The following CPA6 variants were observed in gnomAD, a reference collection of about 807,000 sequenced individuals.
CPA6 encodes the protein carboxypeptidase A6.
A neutral mutation model predicts 63.3 loss-of-function variants in CPA6; 58 were observed. The observed-to-expected ratio is 0.92, with a 90% CI of 0.74 to 1.14. The LOEUF is 1.14. Among genes scored for constraint, CPA6 ranks in the 50% most tolerant of loss-of-function variants. The probability of loss-of-function intolerance (pLI) is 0.00; values close to 1 mark genes in which losing one functional copy is unlikely to be tolerated. For missense variants in CPA6, 565 were observed against 526.6 expected (o/e 1.07, Z -0.71); for synonymous variants, 185 against 179.0 (o/e 1.03, Z -0.27).
chr8:67,621,690 T>C (rs755039466), intron 2 of CPA6, among the ~76,000 whole-genome samples: 1 of 152,228 alleles, frequency 6.6e-6, no homozygotes, highest in African/African-American at 2.4e-5. Flanking sequence ...TGGATGTGAC[T>C]GTGTGGAGTG....
chr8:67,631,487 G>C (rs752390175), intron 1 of CPA6, among the ~76,000 whole-genome samples: 1 of 152,122 alleles, frequency 6.6e-6, no homozygotes, highest in Non-Finnish European at 1.5e-5. Flanking sequence ...GAGAACTTTC[G>C]TGTCTAGCTC....
chr8:67,464,526 C>T (rs1468985796), intron 8 of CPA6, among the ~76,000 whole-genome samples: 19 of 151,942 alleles, frequency 1.3e-4, no homozygotes, highest in Admixed American at 1.2e-3. Context: ...TAATCAGGTC[C>T]CAATTGTCAA....
chr8:67,453,987 G>C (rs1042193725), intron 8 of CPA6, among the ~76,000 whole-genome samples: 6 of 152,332 alleles, frequency 3.9e-5, no homozygotes, highest in African/African-American at 1.4e-4. Context: ...AGCATTTTAT[G>C]GTTGATTTTA....
chr8:67,666,431 G>A (rs897533422), intron 1 of CPA6, among the ~76,000 whole-genome samples: 2 of 152,088 alleles, frequency 1.3e-5, no homozygotes, highest in African/African-American at 2.4e-5. Flanking sequence ...GTGGGGAGGG[G>A]GGCACTCTCA....
intron 2 of CPA6, among the ~76,000 whole-genome samples, chr8:67,593,372 G>A (rs926503748): frequency 2.6e-5 from 4 of 151,996 alleles, no homozygotes; most frequent in African/African-American, 4.8e-5. Context: ...TTGATTTGGG[G>A]TGGAGAGTTC....
intron 2 of CPA6, among the ~76,000 whole-genome samples, chr8:67,588,342 A>C (rs1018144018): frequency 6.6e-6 from 1 of 152,224 alleles, no homozygotes; most frequent in Non-Finnish European, 1.5e-5. Context: ...AAAATGATTA[A>C]TACTACTGCG....
At chr8:67,573,891 C>CA (rs34145304) in intron 2 of CPA6, among the ~76,000 whole-genome samples, 2,488 of 33,500 alleles carry the variant, frequency 0.074, 514 homozygotes, top group Non-Finnish European at 0.1. Context: ...GACTCCGTCT[C>CA]AAAAAAAAAA....
At chr8:67,693,416 G>T (rs776122885) in intron 1 of CPA6, among the ~76,000 whole-genome samples, 1 of 152,250 alleles carries the variant, frequency 6.6e-6, no homozygotes, top group African/African-American at 2.4e-5. Context: ...TTAGTGAAAT[G>T]TGGGAGAAGA....
At chr8:67,672,144 T>G (rs1816362265) in intron 1 of CPA6, among the ~76,000 whole-genome samples, 1 of 152,182 alleles carries the variant, frequency 6.6e-6, no homozygotes, top group African/African-American at 2.4e-5. Flanking sequence ...CATGCATTTT[T>G]AAGTTGGCTC....
At chr8:67,630,629 T>C (rs1587651715) in intron 1 of CPA6, among the ~76,000 whole-genome samples, 1 of 152,214 alleles carries the variant, frequency 6.6e-6, no homozygotes, top group Non-Finnish European at 1.5e-5. Context: ...TGGCCATGCT[T>C]GGGGAACCCT....
chr8:67,743,266 TG>T (rs1817946410), intron 1 of CPA6, among the ~76,000 whole-genome samples: 1 of 152,186 alleles, frequency 6.6e-6, no homozygotes, highest in Non-Finnish European at 1.5e-5. Context: ...CACTAGCTTT[TG>T]TCATCAGATT....
chr8:67,440,010 T>G (rs952733133), intron 8 of CPA6, among the ~76,000 whole-genome samples: 6 of 152,206 alleles, frequency 3.9e-5, no homozygotes, highest in Non-Finnish European at 5.9e-5. Context: ...CTTTTAGTAT[T>G]GTGGCAGCCT....
At chr8:67,668,407 T>C (rs1426589229) in intron 1 of CPA6, among the ~76,000 whole-genome samples, 2 of 152,272 alleles carry the variant, frequency 1.3e-5, no homozygotes, top group Admixed American at 1.3e-4. Context: ...AGTTCTCTAC[T>C]GCTTTGCTAG....
chr8:67,736,441 T>C (rs1272731210), intron 1 of CPA6, among the ~76,000 whole-genome samples: 1 of 152,222 alleles, frequency 6.6e-6, no homozygotes, highest in African/African-American at 2.4e-5. Flanking sequence ...GCACCTTTGA[T>C]GATATCATGA....
At position 67,506,899 on chromosome 8, in the gene CPA6, G is replaced by C; in HGVS notation, c.535-11C>G. On this transcript the variant is annotated splice_polypyrimidine_tract_variant and intron_variant, in intron 5 of 10. Coordinates refer to ENST00000297770, the MANE Select transcript of CPA6 (RefSeq NM_020361.5). ...TGATCGTCTGCCCAGCTGAAAACAA[G>C]AGCATTCACAGTAACCAACTCAGGC... 6.3e-7 allele frequency: 1 copy of C among 1,598,288 alleles called. No individual in the cohort carries two copies. The highest frequency in any genetic ancestry group is 1.3e-5 in the African/African-American group (1 of 74,732).
At chr8:67,451,355 C>A (rs560438239) in intron 8 of CPA6, among the ~76,000 whole-genome samples, 2 of 152,162 alleles carry the variant, frequency 1.3e-5, no homozygotes, top group African/African-American at 4.8e-5. Context: ...TTGTGAACTG[C>A]GCATGCAGGG....
intron 8 of CPA6, among the ~76,000 whole-genome samples, chr8:67,480,168 A>ACACAGGTGGTTTTTTT (rs1364417604): frequency 2.0e-5 from 3 of 152,218 alleles, no homozygotes; most frequent in African/African-American, 7.2e-5. Context: ...ATAGAAACAA[A>ACACAGGTGGTTTTTTT]AATATTTTTA....
At chr8:67,643,560 TC>T (rs1421437214) in intron 1 of CPA6, among the ~76,000 whole-genome samples, 1 of 151,632 alleles carries the variant, frequency 6.6e-6, no homozygotes, top group Non-Finnish European at 1.5e-5. Context: ...TTTTTTTAAA[TC>T]AACTGAGCAA....
intron 1 of CPA6, among the ~76,000 whole-genome samples, chr8:67,725,761 AAGCAATCCTCCTGGTTC>A (rs1390989441): frequency 1.3e-5 from 2 of 152,166 alleles, no homozygotes; most frequent in South Asian, 2.1e-4. Flanking sequence ...TCTTGGCCTC[AAGCAATCCTCCTGGTTC>A]AGCAATCCTC....
Sources: allele counts gnomAD v4.1 joint callset (sites outside exome capture counted in the v4.1 genomes callset), GRCh38; gene constraint gnomAD v4.1.1; transcripts MANE v1.5; gene names NCBI Gene and HGNC (gene_info 2026-07-23, HGNC 2026-07-21).